C19orf12: variants seen among roughly 807,000 people sequenced by gnomAD.
The protein encoded by C19orf12 is protein C19orf12.
A neutral mutation model predicts 3.8 loss-of-function variants in C19orf12; 2 were observed. That is an observed-to-expected ratio of 0.53 (90% CI 0.22 to 1.66). C19orf12 has a LOEUF of 1.66. Among genes scored for constraint, C19orf12 ranks in the 40% most tolerant of loss-of-function variants. C19orf12 has a pLI of 0.20. For synonymous variants in C19orf12, 89 were observed against 84.6 expected, an observed-to-expected ratio of 1.05 and a Z score of -0.28; for missense variants, 156 against 188.8, an observed-to-expected ratio of 0.83 and a Z score of 1.02.
chr19:29,712,781 T>C (rs1483803020), intron 1 of C19orf12, among the ~76,000 whole-genome samples: 1 of 152,140 alleles, frequency 6.6e-6, no homozygotes, highest in Non-Finnish European at 1.5e-5. Flanking sequence ...TAACCTACCC[T>C]CTGGAGTGTC....
intron 2 of C19orf12, 69 bp downstream of exon 2, chr19:29,708,185 C>T: frequency 6.3e-7 from 1 of 1,592,674 alleles, no homozygotes. Flanking sequence ...CTGGCCTTCT[C>T]CCTGTGTTTC....
intron 1 of C19orf12, among the ~76,000 whole-genome samples, chr19:29,713,963 C>T (rs1426913521): frequency 1.4e-5 from 2 of 145,974 alleles, no homozygotes; most frequent in Admixed American, 6.8e-5. Context: ...TCTTTCCTTC[C>T]TTCCTTCCTT....
Position 29,700,208 on chromosome 19 carries a change from C to T in C19orf12, c.*2504G>A, listed in dbSNP as rs79798582. On this transcript the variant is annotated 3_prime_UTR_variant, in exon 3 of 3. Transcript: ENST00000323670. ...CTGACACAGACCAGGACCTGATGCA[C>T]GAGTAAGAATGAATGGGGCCCAATC... 1.2e-4 allele frequency: 56 copies of T among 453,984 alleles called. No homozygotes were observed. The highest frequency in any genetic ancestry group is 8.6e-4 in the African/African-American group (43 of 50,084). The allele number at this position is 453,984 out of a possible 1,614,324, so 28.1% of individuals were successfully genotyped here. A position where few individuals can be genotyped will look rare whatever the true frequency, so the allele number is the denominator to read the frequency against.
Position 29,699,610 on chromosome 19 carries a change from A to G in C19orf12, c.*3102T>C, listed in dbSNP as rs569830445. The G allele has an allele frequency of 2.7e-6, 1 of 365,062 alleles. No homozygotes were observed. Among genetic ancestry groups the G allele is most frequent in the Non-Finnish European group, 5.3e-6 (1 of 186,934 alleles). The allele number at this position is 365,062 out of a possible 1,614,324, so 22.6% of individuals were successfully genotyped here. A position where few individuals can be genotyped will look rare whatever the true frequency, so the allele number is the denominator to read the frequency against. ...TTGTGAAATTTGTAGTTTTTATTTC[A>G]TTATATTTTCTGGGTTTTTCTAGGT... is the stretch of plus-strand genomic sequence containing the variant. On this transcript the variant is annotated 3_prime_UTR_variant, in exon 3 of 3. Transcript: ENST00000323670.
At chr19:29,703,802 C>G (rs1204234213) in intron 2 of C19orf12, among the ~76,000 whole-genome samples, 2 of 152,004 alleles carry the variant, frequency 1.3e-5, no homozygotes, top group Non-Finnish European at 2.9e-5. Flanking sequence ...ACCAGCCTGG[C>G]CGACATGGTG....
chr19:29,704,635 G>A (rs1007276915), intron 2 of C19orf12, among the ~76,000 whole-genome samples: 3 of 152,228 alleles, frequency 2.0e-5, no homozygotes, highest in Non-Finnish European at 4.4e-5. Context: ...AAGAGGCCAC[G>A]TGCAGAATAT....
At chr19:29,703,328 C>T (rs939262181) in intron 2 of C19orf12, among the ~76,000 whole-genome samples, 5 of 151,656 alleles carry the variant, frequency 3.3e-5, no homozygotes, top group African/African-American at 1.2e-4. Flanking sequence ...AAATCCCTCT[C>T]TAATCACAAA....
intron 1 of C19orf12, 105 bp from the exon 2 acceptor site, chr19:29,708,528 G>T: frequency 1.4e-6 from 2 of 1,471,136 alleles, no homozygotes; most frequent in Non-Finnish European, 1.9e-6. Context: ...CCCCTTTTCA[G>T]GAAAGCTCAG....
At chr19:29,705,171 A>G in intron 2 of C19orf12, 2 of 225,156 alleles carry the variant, frequency 8.9e-6, no homozygotes, top group Non-Finnish European at 1.9e-5. Context: ...GACAAGGGAG[A>G]GGGGCATGTC....
At chr19:29,711,295 C>G (rs1972662820) in intron 1 of C19orf12, among the ~76,000 whole-genome samples, 1 of 152,154 alleles carries the variant, frequency 6.6e-6, no homozygotes, top group South Asian at 2.1e-4. Flanking sequence ...CTGCCTTGGC[C>G]TCTCAAAGTG....
rs1410526680 is a variant in C19orf12, at chr19:29,700,259, G to A, written c.*2453C>T. On this transcript the variant is annotated 3_prime_UTR_variant, in exon 3 of 3. Coordinates refer to ENST00000323670, the MANE Select transcript of C19orf12 (RefSeq NM_031448.6). ...GCCTAACAAAGGCAACTCAATTTCAGCCCCGATTGTTCCAGAAGGATTTGC... is the reference window on the plus strand; with the variant it reads ...GCCTAACAAAGGCAACTCAATTTCAACCCCGATTGTTCCAGAAGGATTTGC... 4.4e-6 allele frequency: 2 copies of A among 454,068 alleles called. No individual in the cohort carries two copies. The highest frequency in any genetic ancestry group is 4.7e-5 in the Admixed American group (2 of 42,576). The allele number at this position is 454,068 out of a possible 1,614,324, so 28.1% of individuals were successfully genotyped here.
At chr19:29,710,482 G>T (rs1241014127) in intron 1 of C19orf12, among the ~76,000 whole-genome samples, 1 of 152,076 alleles carries the variant, frequency 6.6e-6, no homozygotes, top group African/African-American at 2.4e-5. Flanking sequence ...TTTCCAACAA[G>T]CCCCCAAAGT....
intron 1 of C19orf12, among the ~76,000 whole-genome samples, chr19:29,712,015 T>G (rs1411886818): frequency 6.6e-6 from 1 of 152,100 alleles, no homozygotes; most frequent in African/African-American, 2.4e-5. Context: ...GAAACACAGA[T>G]AAGGAAGGCA....
Position 29,701,686 on chromosome 19 carries a change from T to C in C19orf12, c.*1026A>G, listed in dbSNP as rs1469937788. 4 of 451,198 alleles carry C rather than the reference T, an allele frequency of 8.9e-6. 1 individual carries two copies. The highest frequency in any genetic ancestry group is 6.3e-5 in the South Asian group (4 of 63,138). 27.9% of individuals were successfully genotyped at this position (451,198 alleles called of 1,614,324 possible). On this transcript the variant is annotated 3_prime_UTR_variant, in exon 3 of 3. Coordinates refer to ENST00000323670, the MANE Select transcript of C19orf12 (RefSeq NM_031448.6). ...ACCTCATTCTACTATGCTTTGTGAA[T>C]ACTGTGTTTTTTTTTTAAATTGAAG...
At chr19:29,710,583 T>C (rs926951415) in intron 1 of C19orf12, among the ~76,000 whole-genome samples, 7 of 152,186 alleles carry the variant, frequency 4.6e-5, no homozygotes, top group Non-Finnish European at 8.8e-5. Flanking sequence ...ATTCAGAAAT[T>C]GCAAACAAGC....
At chr19:29,706,656 G>A (rs16963137) in intron 2 of C19orf12, among the ~76,000 whole-genome samples, 2,002 of 152,294 alleles carry the variant, frequency 0.013, 42 homozygotes, top group African/African-American at 0.046. Flanking sequence ...GTTCCTTCCC[G>A]GATGGCAAGA....
intron 1 of C19orf12, among the ~76,000 whole-genome samples, chr19:29,712,585 C>T (rs1297871537): frequency 6.6e-6 from 1 of 151,990 alleles, no homozygotes; most frequent in Non-Finnish European, 1.5e-5. Context: ...GCTAAGAAGC[C>T]CACATGTGCA....
chr19:29,714,982 AC>A, intron 1 of C19orf12, 142 bp downstream of exon 1: 1 of 713,130 alleles, frequency 1.4e-6, no homozygotes, highest in South Asian at 1.5e-5. Flanking sequence ...CCACCCCGGC[AC>A]CGGGAGGGCC....
rs1971990417 is a variant in C19orf12, at chr19:29,699,965, G to A, written c.*2747C>T. On this transcript the variant is annotated 3_prime_UTR_variant, in exon 3 of 3. Transcript: ENST00000323670. The stretch of plus-strand genomic sequence containing the variant: ...TGGGGGAGATAAGACTCCAGGTTCA[G>A]GCTGCCCTTTTAGGCCCAAAGCCTC... 2 of 454,080 alleles carry A rather than the reference G, an allele frequency of 4.4e-6. No homozygotes were observed. Among genetic ancestry groups the A allele is most frequent in the East Asian group, 1.4e-4 (2 of 14,400 alleles). 28.1% of individuals were successfully genotyped at this position (454,080 alleles called of 1,614,324 possible).
Sources: allele counts gnomAD v4.1 joint callset (sites outside exome capture counted in the v4.1 genomes callset), GRCh38; gene constraint gnomAD v4.1.1; transcripts MANE v1.5; gene names NCBI Gene and HGNC (gene_info 2026-07-23, HGNC 2026-07-21).